Variants in PHEX observed in about 807,000 individuals in gnomAD.
PHEX encodes phosphate regulating endopeptidase X-linked.
Under a neutral mutation model 68.0 loss-of-function variants are expected in PHEX, and 16 were observed. The observed-to-expected ratio is 0.24, with a 90% CI of 0.16 to 0.36. PHEX has a LOEUF of 0.36. Ranked by LOEUF, PHEX falls within the 10% of genes least tolerant of loss-of-function variation. The pLI is 1.00. For missense variants in PHEX, 480 were observed against 575.5 expected (o/e 0.83, Z 1.70); for synonymous variants, 208 against 205.1 (o/e 1.01, Z -0.12).
At position 22,095,152 on chromosome X, in the gene PHEX, G is replaced by A. The variant is rs189731797; in HGVS notation, c.849+1053G>A. ...AGGAATTGGTCTCTCTCTCTTTGCC[G>A]TGGTGATGTTCGTGTATAGCTCTCT... On this transcript the variant is annotated intron_variant, in intron 7 of 21. Coordinates refer to ENST00000379374, the MANE Select transcript of PHEX (RefSeq NM_000444.6). 8.1e-5 allele frequency among the ~76,000 whole-genome samples: 9 copies of A among 111,457 alleles called. No individual in the cohort carries two copies. In the South Asian group the frequency reaches 1.5e-3, roughly 19 times the overall value.
intron 2 of PHEX, among the ~76,000 whole-genome samples, chrX:22,039,009 T>C (rs1269532766): frequency 8.9e-6 from 1 of 112,011 alleles, no homozygotes; most frequent in Non-Finnish European, 1.9e-5. Flanking sequence ...GACGGAGTCT[T>C]GCTCTGTCGC....
chrX:22,154,384 A>G (rs1438084301), intron 12 of PHEX, among the ~76,000 whole-genome samples: 1 of 111,215 alleles, frequency 9.0e-6, no homozygotes. Context: ...GGCAAGTACC[A>G]TGATCTACAG....
chrX:22,119,618 A>T (rs1210094196), intron 11 of PHEX, among the ~76,000 whole-genome samples: 1 of 102,446 alleles, frequency 9.8e-6, no homozygotes, highest in African/African-American at 3.6e-5. Flanking sequence ...TTTGAGACAG[A>T]GTCTTGCTCC....
rs1268716421 is a variant in PHEX at position 22,249,352 on chromosome X, G to A, written c.*1399G>A. On this transcript the variant is annotated 3_prime_UTR_variant, in exon 22 of 22. Transcript: ENST00000379374. Reference sequence around the variant, plus strand: ...CATTAGACATGAGGTGCTGGGTTAAGTGGGCCAATAGGAAAATCTCAAAAG... The same window carrying A: ...CATTAGACATGAGGTGCTGGGTTAAATGGGCCAATAGGAAAATCTCAAAAG... The A allele has an allele frequency of 9.9e-6, 1 of 100,921 alleles. No individual in the cohort carries two copies. Among genetic ancestry groups the A allele is most frequent in the Non-Finnish European group, 2.0e-5 (1 of 50,474 alleles). The allele number at this position is 100,921 out of a possible 1,213,427, so 8.3% of individuals were successfully genotyped here.
At chrX:22,223,662 T>C (rs1245421019) in intron 18 of PHEX, among the ~76,000 whole-genome samples, 1 of 92,829 alleles carries the variant, frequency 1.1e-5, no homozygotes. Context: ...GGTGGAAGAA[T>C]TGTTGGAACC....
intron 12 of PHEX, among the ~76,000 whole-genome samples, chrX:22,148,394 G>C (rs1932765428): frequency 8.9e-6 from 1 of 111,936 alleles, no homozygotes; most frequent in Non-Finnish European, 1.9e-5. Context: ...TTGGGGTACA[G>C]TGTGATGTTT....
intron 14 of PHEX, among the ~76,000 whole-genome samples, chrX:22,190,115 C>T (rs1456352238): frequency 3.6e-5 from 4 of 112,486 alleles, no homozygotes; most frequent in African/African-American, 1.3e-4. Flanking sequence ...GCTGTGTTTC[C>T]ATTTGCAGGG....
At chrX:22,099,377 T>C (rs1157923284) in intron 9 of PHEX, 1 of 404,060 alleles carries the variant, frequency 2.5e-6, no homozygotes, top group African/African-American at 2.5e-5. Flanking sequence ...CTGGTCTTTC[T>C]CCATGCTGTT....
At chrX:22,124,122 TG>T (rs1209762985) in intron 11 of PHEX, among the ~76,000 whole-genome samples, 3 of 111,418 alleles carry the variant, frequency 2.7e-5, no homozygotes, top group African/African-American at 9.8e-5. Context: ...TGAGCCACCA[TG>T]CCCGGCCATG....
At chrX:22,101,175 T>TA (rs765443455) in intron 9 of PHEX, among the ~76,000 whole-genome samples, 1 of 111,385 alleles carries the variant, frequency 9.0e-6, no homozygotes, top group African/African-American at 3.3e-5. Context: ...GACTCTGTCT[T>TA]AAAAAATAAA....
intron 9 of PHEX, among the ~76,000 whole-genome samples, chrX:22,106,888 T>C (rs1930723754): frequency 9.0e-6 from 1 of 111,008 alleles, no homozygotes; most frequent in African/African-American, 3.3e-5. Flanking sequence ...CCGGCCTCCA[T>C]TGCTTATTAC....
chrX:22,088,388 G>A (rs1028562608), intron 5 of PHEX, among the ~76,000 whole-genome samples: 4 of 111,203 alleles, frequency 3.6e-5, no homozygotes, highest in Non-Finnish European at 7.5e-5. Flanking sequence ...CTGTAAAATT[G>A]GTTTCCTTCC....
At chrX:22,064,766 C>G (rs1183214937) in intron 3 of PHEX, among the ~76,000 whole-genome samples, 1 of 112,143 alleles carries the variant, frequency 8.9e-6, no homozygotes, top group Admixed American at 9.5e-5. Context: ...AGGAAGAAAG[C>G]AGGAATTTTG....
intron 12 of PHEX, among the ~76,000 whole-genome samples, chrX:22,144,327 T>G (rs906181015): frequency 1.8e-5 from 2 of 111,770 alleles, no homozygotes; most frequent in African/African-American, 6.5e-5. Context: ...TTACATTGTT[T>G]TCTTTGGGGC....
intron 21 of PHEX, 44 bp from the exon 22 acceptor site, chrX:22,247,807 G>T (rs1006058817): frequency 1.1e-6 from 1 of 909,984 alleles, no homozygotes; most frequent in African/African-American, 1.9e-5. Context: ...ACCTGTTGAT[G>T]TGCAAGAATT....
At chrX:22,235,334 CT>C (rs968687815) in intron 20 of PHEX, among the ~76,000 whole-genome samples, 1 of 112,218 alleles carries the variant, frequency 8.9e-6, no homozygotes, top group Non-Finnish European at 1.9e-5. Context: ...CTTTTAAGTG[CT>C]TTTCAGATTT....
chrX:22,224,014 G>A (rs974751761), intron 18 of PHEX, among the ~76,000 whole-genome samples: 4 of 112,200 alleles, frequency 3.6e-5, no homozygotes, highest in Non-Finnish European at 5.6e-5. Flanking sequence ...ACAGCGTCTC[G>A]CTGAGTCACC....
intron 15 of PHEX, among the ~76,000 whole-genome samples, chrX:22,201,171 T>C (rs1934538257): frequency 9.0e-6 from 1 of 111,026 alleles, no homozygotes; most frequent in Admixed American, 9.6e-5. Context: ...GAACACCTGC[T>C]ACAACTTTTT....
chrX:22,061,410 T>A (rs901723801), intron 3 of PHEX, among the ~76,000 whole-genome samples: 4 of 111,475 alleles, frequency 3.6e-5, no homozygotes, highest in African/African-American at 1.3e-4. Flanking sequence ...GGGTCAAGCA[T>A]CTTTACAATG....
Sources: allele counts gnomAD v4.1 joint callset (sites outside exome capture counted in the v4.1 genomes callset), GRCh38; gene constraint gnomAD v4.1.1; transcripts MANE v1.5; gene names NCBI Gene and HGNC (gene_info 2026-07-23, HGNC 2026-07-21).